NHS: variants seen among roughly 807,000 people sequenced by gnomAD.
NHS encodes actin remodeling regulator NHS.
NHS carries 5 observed loss-of-function variants against 72.5 expected under a neutral mutation model. The ratio of observed to expected loss-of-function variants is 0.07; its 90% CI spans 0.04 to 0.14. The LOEUF (loss-of-function observed/expected upper bound fraction) is 0.14. NHS is among the 10% of genes least tolerant of loss of function. The pLI is 1.00. For missense variants in NHS, 1,072 were observed against 1,355.7 expected, an observed-to-expected ratio of 0.79 and a Z score of 3.29; for synonymous variants, 464 against 547.7, an observed-to-expected ratio of 0.85 and a Z score of 2.13.
chrX:17,496,085 C>G (rs942788435), intron 1 of NHS, among the ~76,000 whole-genome samples: 3 of 111,332 alleles, frequency 2.7e-5, no homozygotes, highest in African/African-American at 9.8e-5. Context: ...CTTCCTCCTG[C>G]CCTCCAATCT....
chrX:17,618,473 T>C (rs766841214), intron 1 of NHS, among the ~76,000 whole-genome samples: 3 of 112,345 alleles, frequency 2.7e-5, no homozygotes, highest in East Asian at 2.8e-4. Flanking sequence ...CAAATAAATA[T>C]CTTCAGAGAG....
rs1316739668 is a variant in NHS, at chrX:17,727,483, A to G, written c.3377A>G (p.Asn1126Ser). 1 of 1,211,228 alleles carries G rather than the reference A, an allele frequency of 8.3e-7. No homozygotes were observed. Among genetic ancestry groups the G allele is most frequent in the South Asian group, 1.8e-5 (1 of 56,966 alleles). ...ACAGTAGGAGAAACACTGAGGTCGA[A>G]TCCTCCACCGTCCCTTGCAATTACA... The part of the protein sequence containing the change: ...QNTVGETLRS[N>S]PPPSLAITPT... Residue 1126 changes from asparagine to serine, a missense_variant, in exon 7 of 9, where the codon AAT (asparagine) becomes AGT (serine). By Grantham distance (46) the Asn-to-Ser change is conservative. Coordinates refer to ENST00000676302, the MANE Select transcript of NHS (RefSeq NM_001291867.2).
At chrX:17,710,897 GA>G (rs2147129012) in intron 3 of NHS, among the ~76,000 whole-genome samples, 1 of 112,354 alleles carries the variant, frequency 8.9e-6, no homozygotes, top group South Asian at 3.7e-4. Context: ...CAGCTGGCCT[GA>G]GTTAGCAGTG....
rs766347663 is a variant in NHS at position 17,430,830 on chromosome X, A to G, written c.565+54508A>G. 2.7e-5 allele frequency among the ~76,000 whole-genome samples: 3 copies of G among 112,720 alleles called. No homozygotes were observed. In the South Asian group the frequency reaches 1.1e-3, roughly 41 times the overall value. On this transcript the variant is annotated intron_variant, in intron 1 of 8. Coordinates refer to ENST00000676302, the MANE Select transcript of NHS (RefSeq NM_001291867.2). ...TTTCATTCCTTTTTATGGATTAAATACATTCCATTCTATGGATATACTACA... is the reference window on the plus strand; with the variant it reads ...TTTCATTCCTTTTTATGGATTAAATGCATTCCATTCTATGGATATACTACA...
intron 1 of NHS, among the ~76,000 whole-genome samples, chrX:17,576,629 A>G (rs186999103): frequency 8.9e-6 from 1 of 112,410 alleles, no homozygotes; most frequent in African/African-American, 3.2e-5. Context: ...CTTGCCCTGT[A>G]CAGCTGGAAA....
At chrX:17,496,646 A>C (rs1601733437) in intron 1 of NHS, among the ~76,000 whole-genome samples, 2 of 111,552 alleles carry the variant, frequency 1.8e-5, no homozygotes, top group Admixed American at 9.5e-5. Context: ...CAACAAGCTG[A>C]TAGACCCAAA....
chrX:17,461,354 A>G (rs2064846858), intron 1 of NHS, among the ~76,000 whole-genome samples: 1 of 112,461 alleles, frequency 8.9e-6, no homozygotes, highest in Non-Finnish European at 1.9e-5. Context: ...AATTATTTAG[A>G]GCCCACCATT....
chrX:17,644,760 T>C (rs966093687), intron 1 of NHS, among the ~76,000 whole-genome samples: 5 of 111,276 alleles, frequency 4.5e-5, no homozygotes, highest in Non-Finnish European at 7.5e-5. Context: ...CTATTATCTA[T>C]GTTATGTAAT....
At chrX:17,428,959 C>A (rs996161679) in intron 1 of NHS, among the ~76,000 whole-genome samples, 15 of 111,448 alleles carry the variant, frequency 1.3e-4, no homozygotes, top group African/African-American at 4.9e-4. Context: ...TTAAATTTAT[C>A]AAATATTTAT....
At chrX:17,719,062 GGAA>G (rs763953922) in intron 3 of NHS, among the ~76,000 whole-genome samples, 14 of 94,456 alleles carry the variant, frequency 1.5e-4, no homozygotes, top group African/African-American at 5.2e-4. Flanking sequence ...AGGAAGGGAA[GGAA>G]GAAGGGAGGA....
chrX:17,590,799 G>A (rs957521611), intron 1 of NHS, among the ~76,000 whole-genome samples: 1 of 111,114 alleles, frequency 9.0e-6, no homozygotes, highest in Non-Finnish European at 1.9e-5. Context: ...AACTATGTAA[G>A]AATACACACA....
At chrX:17,695,412 T>C (rs1410475436) in intron 3 of NHS, among the ~76,000 whole-genome samples, 1 of 112,364 alleles carries the variant, frequency 8.9e-6, no homozygotes, top group African/African-American at 3.2e-5. Flanking sequence ...AGAAGAATAT[T>C]TAATGACATG....
intron 1 of NHS, among the ~76,000 whole-genome samples, chrX:17,545,238 G>A (rs892148693): frequency 8.9e-6 from 1 of 112,568 alleles, no homozygotes; most frequent in Non-Finnish European, 1.9e-5. Context: ...TATTGATCTG[G>A]GGAGGCTAAT....
chrX:17,614,371 C>T (rs1002872698), intron 1 of NHS, among the ~76,000 whole-genome samples: 2 of 110,749 alleles, frequency 1.8e-5, no homozygotes, highest in African/African-American at 3.3e-5. Context: ...ACCACAGAAC[C>T]TCAGCCTGAG....
intron 1 of NHS, among the ~76,000 whole-genome samples, chrX:17,535,734 A>G (rs1428645761): frequency 1.8e-5 from 2 of 110,768 alleles, no homozygotes; most frequent in Non-Finnish European, 3.8e-5. Flanking sequence ...GCCCACCACC[A>G]CACTCGGCTA....
At chrX:17,591,315 G>A (rs2065601844) in intron 1 of NHS, among the ~76,000 whole-genome samples, 1 of 111,582 alleles carries the variant, frequency 9.0e-6, no homozygotes, top group Non-Finnish European at 1.9e-5. Context: ...GATCCAATAG[G>A]CACCCCTGGT....
Position 17,376,006 on chromosome X carries a change from G to A in NHS, c.249G>A (p.Pro83=). ...PLPAPADQTQ[P]PHGEASVAGE... is the part of the protein sequence containing the mutation. ...CCGCGCCGGCCGACCAGACTCAGCC[G>A]CCGCACGGAGAGGCGTCCGTGGCTG... The change falls in exon 1 of 9, where the codon CCG becomes CCA. Residue 83 remains proline (P), a synonymous_variant. Coordinates refer to ENST00000676302, the MANE Select transcript of NHS (RefSeq NM_001291867.2). 9.2e-7 allele frequency: 1 copy of A among 1,082,757 alleles called. No homozygotes were observed. The highest frequency in any genetic ancestry group is 1.2e-6 in the Non-Finnish European group (1 of 836,393). The allele number at this position is 1,082,757 out of a possible 1,213,427, so 89.2% of individuals were successfully genotyped here. A position where few individuals can be genotyped will look rare whatever the true frequency, so the allele number is the denominator to read the frequency against.
intron 1 of NHS, among the ~76,000 whole-genome samples, chrX:17,622,215 G>C (rs1412044321): frequency 8.9e-6 from 1 of 112,030 alleles, no homozygotes; most frequent in African/African-American, 3.2e-5. Context: ...CAACCCCCTT[G>C]CTTTTCAAAT....
At chrX:17,392,635 A>C (rs1295580712) in intron 1 of NHS, among the ~76,000 whole-genome samples, 3 of 112,373 alleles carry the variant, frequency 2.7e-5, no homozygotes, top group African/African-American at 9.7e-5. Flanking sequence ...TGTTGCTACC[A>C]AAAGAATTCA....
Sources: allele counts gnomAD v4.1 joint callset (sites outside exome capture counted in the v4.1 genomes callset), GRCh38; gene constraint gnomAD v4.1.1; transcripts MANE v1.5; gene names NCBI Gene and HGNC (gene_info 2026-07-23, HGNC 2026-07-21).